Variants in SLC14A2 observed in about 807,000 individuals in gnomAD.
SLC14A2 encodes urea transporter 2.
A neutral mutation model predicts 104.6 loss-of-function variants in SLC14A2; 91 were observed. The observed-to-expected ratio is 0.87, with a 90% CI of 0.73 to 1.04. The LOEUF is 1.04. Among genes scored for constraint, SLC14A2 ranks in the 50% least tolerant of loss-of-function variants. SLC14A2 has a pLI of 0.00. For missense variants in SLC14A2, 1,189 were observed against 1,156.0 expected (o/e 1.03, Z -0.41); for synonymous variants, 476 against 466.4 (o/e 1.02, Z -0.27).
intron 1 of SLC14A2, among the ~76,000 whole-genome samples, chr18:45,385,593 T>G (rs2085886772): frequency 6.6e-6 from 1 of 152,218 alleles, no homozygotes; most frequent in Non-Finnish European, 1.5e-5. Flanking sequence ...CTGAATATTT[T>G]ATATCTCATT....
At chr18:45,216,869 C>G (rs1386783501) in intron 1 of SLC14A2, among the ~76,000 whole-genome samples, 1 of 152,144 alleles carries the variant, frequency 6.6e-6, no homozygotes, top group Non-Finnish European at 1.5e-5. Flanking sequence ...CTGGGGACAT[C>G]CACACAAAAT....
chr18:45,418,672 G>C (rs1383050264), intron 1 of SLC14A2, among the ~76,000 whole-genome samples: 2 of 152,202 alleles, frequency 1.3e-5, no homozygotes, highest in African/African-American at 4.8e-5. Context: ...GCATCAGAAA[G>C]TCATTTCAGG....
intron 1 of SLC14A2, among the ~76,000 whole-genome samples, chr18:45,344,779 A>G (rs534130780): frequency 2.9e-4 from 44 of 152,308 alleles, no homozygotes; most frequent in African/African-American, 4.1e-4. Flanking sequence ...ACTGCATCCC[A>G]AGAAGCCACA....
intron 2 of SLC14A2, among the ~76,000 whole-genome samples, chr18:45,497,992 T>C (rs16978385): frequency 0.21 from 32,246 of 152,082 alleles, 4,199 homozygotes; most frequent in African/African-American, 0.37. Flanking sequence ...TCATTGAAAA[T>C]GTTTCCTTCA....
chr18:45,213,775 C>T (rs1568103849), intron 1 of SLC14A2, among the ~76,000 whole-genome samples: 1 of 152,122 alleles, frequency 6.6e-6, no homozygotes, highest in Non-Finnish European at 1.5e-5. Flanking sequence ...ATTAATGATC[C>T]TGTTCAGGCT....
intron 1 of SLC14A2, among the ~76,000 whole-genome samples, chr18:45,467,233 A>T (rs1296957938): frequency 6.6e-6 from 1 of 152,228 alleles, no homozygotes; most frequent in Non-Finnish European, 1.5e-5. Flanking sequence ...GGTAATTTAC[A>T]GGCTCATATA....
intron 1 of SLC14A2, among the ~76,000 whole-genome samples, chr18:45,473,492 T>C (rs116221712): frequency 0.21 from 31,838 of 152,126 alleles, 3,712 homozygotes; most frequent in Non-Finnish European, 0.27. Context: ...ATAATATTGA[T>C]TCTTCCTATC....
chr18:45,238,547 C>A (rs1437884081), intron 1 of SLC14A2, among the ~76,000 whole-genome samples: 1 of 150,990 alleles, frequency 6.6e-6, no homozygotes, highest in Non-Finnish European at 1.5e-5. Context: ...GAAAAGATGA[C>A]CATTATGTAA....
At chr18:45,552,389 C>A (rs1156894906) in intron 2 of SLC14A2, among the ~76,000 whole-genome samples, 6 of 151,912 alleles carry the variant, frequency 3.9e-5, no homozygotes. Context: ...CCACCCCCTG[C>A]ATTTTCTTTG....
upstream of SLC14A2, among the ~76,000 whole-genome samples, chr18:45,212,701 A>G (rs540567933): frequency 1.3e-5 from 2 of 152,336 alleles, no homozygotes; most frequent in South Asian, 2.1e-4. Flanking sequence ...CCGCATAGGT[A>G]ATCATACTCC....
At chr18:45,231,033 T>A (rs1017080913) in intron 1 of SLC14A2, among the ~76,000 whole-genome samples, 1 of 152,152 alleles carries the variant, frequency 6.6e-6, no homozygotes, top group Non-Finnish European at 1.5e-5. Context: ...TGTTTTACAT[T>A]AGCCTACCAG....
chr18:45,512,810 G>T (rs976975886), intron 2 of SLC14A2, among the ~76,000 whole-genome samples: 3 of 152,150 alleles, frequency 2.0e-5, no homozygotes, highest in Non-Finnish European at 4.4e-5. Flanking sequence ...TACTGGATTG[G>T]GGGGAGCTGG....
At chr18:45,627,747 G>A (rs1455562729) in intron 4 of SLC14A2, among the ~76,000 whole-genome samples, 4 of 152,220 alleles carry the variant, frequency 2.6e-5, no homozygotes, top group Admixed American at 1.3e-4. Flanking sequence ...GGTGGCTCAC[G>A]CCTACAATCT....
upstream of SLC14A2, chr18:45,615,072 C>CT (rs2045039478): frequency 6.6e-6 from 1 of 152,242 alleles, no homozygotes; most frequent in African/African-American, 2.4e-5. Flanking sequence ...GCTGGGATTA[C>CT]AGGCGTGGGC....
At chr18:45,452,800 C>T (rs972864231) in intron 1 of SLC14A2, among the ~76,000 whole-genome samples, 1 of 152,174 alleles carries the variant, frequency 6.6e-6, no homozygotes, top group African/African-American at 2.4e-5. Context: ...AATAGCTACA[C>T]GGCAAAGGCT....
intron 1 of SLC14A2, among the ~76,000 whole-genome samples, chr18:45,253,162 C>G (rs530505566): frequency 1.3e-4 from 20 of 152,254 alleles, no homozygotes; most frequent in African/African-American, 4.8e-4. Context: ...TCTGATTCCA[C>G]AGGTCAGGGT....
At chr18:45,216,996 T>C (rs2143981555) in intron 1 of SLC14A2, among the ~76,000 whole-genome samples, 1 of 152,274 alleles carries the variant, frequency 6.6e-6, no homozygotes, top group East Asian at 1.9e-4. Context: ...GTTGCCAGGC[T>C]TGGCTTCTCA....
At chr18:45,397,346 A>T (rs1209995367) in intron 1 of SLC14A2, among the ~76,000 whole-genome samples, 2 of 152,140 alleles carry the variant, frequency 1.3e-5, no homozygotes, top group African/African-American at 4.8e-5. Context: ...ACTTTTTAAT[A>T]GTAACCATTC....
chr18:45,203,070 T>C, the SLC14A2 span, among the ~76,000 whole-genome samples: 2 of 152,046 alleles, frequency 1.3e-5, no homozygotes, highest in African/African-American at 2.4e-5. Flanking sequence ...AATAATCAGG[T>C]CCTCACATAT....
Sources: gnomAD v4.1 joint callset for allele counts (sites outside exome capture counted in the v4.1 genomes callset) on GRCh38, gnomAD v4.1.1 for gene constraint, MANE v1.5 for transcripts, NCBI Gene and HGNC (gene_info 2026-07-23, HGNC 2026-07-21) for gene names.